Variants in DPPA2 observed in about 807,000 individuals in gnomAD.
DPPA2 encodes the protein developmental pluripotency-associated protein 2.
In DPPA2, 26 loss-of-function variants were observed where a neutral mutation model predicts 36.2. The ratio of observed to expected loss-of-function variants is 0.72; its 90% confidence interval spans 0.53 to 1.00. The LOEUF is 1.00. Ranked by LOEUF, DPPA2 falls within the 50% of genes least tolerant of loss-of-function variation. DPPA2 has a pLI of 0.00. For missense variants in DPPA2, 361 were observed against 365.1 expected, an observed-to-expected ratio of 0.99 and a Z score of 0.09; for synonymous variants, 113 against 123.2, an observed-to-expected ratio of 0.92 and a Z score of 0.55.
chr3:109,305,939 T>C (rs899251622), intron 6 of DPPA2, among the ~76,000 whole-genome samples: 1 of 152,098 alleles, frequency 6.6e-6, no homozygotes, highest in African/African-American at 2.4e-5. Flanking sequence ...CTGCCTCAGC[T>C]ACAGGAAACA....
intron 5 of DPPA2, among the ~76,000 whole-genome samples, chr3:109,308,542 A>G (rs1707625147): frequency 6.6e-6 from 1 of 152,044 alleles, no homozygotes; most frequent in Non-Finnish European, 1.5e-5. Context: ...TTGCATTTTT[A>G]GTAAAGACGG....
In DPPA2 at chr3:109,309,023, C is replaced by T; in HGVS notation, c.396+3G>A. 1 of 1,614,216 alleles carries T rather than the reference C, an allele frequency of 6.2e-7. No individual in the cohort carries two copies. The highest frequency in any genetic ancestry group is 8.5e-7 in the Non-Finnish European group (1 of 1,180,044). ...TCACACCATCAACACACTCATTACT[C>T]ACTTGCCGTTGTTCAGGGTAAGCAT... On this transcript the variant is annotated splice_donor_region_variant and intron_variant, in intron 5 of 8. Transcript: ENST00000478945.
intron 3 of DPPA2, among the ~76,000 whole-genome samples, chr3:109,312,318 G>A (rs7651465): frequency 0.49 from 74,801 of 152,036 alleles, 18,743 homozygotes; most frequent in East Asian, 0.71. Context: ...TGGGTGACAC[G>A]GTGAGACTCC....
intron 6 of DPPA2, among the ~76,000 whole-genome samples, chr3:109,305,622 A>C (rs2107311310): frequency 6.6e-6 from 1 of 152,130 alleles, no homozygotes; most frequent in Middle Eastern, 3.4e-3. Flanking sequence ...TAAAAATACA[A>C]AATTAGCTGG....
chr3:109,316,337 T>A lies in DPPA2; in HGVS notation c.-67A>T, dbSNP rs1320045195. 1 of 153,264 alleles carries A rather than the reference T, an allele frequency of 6.5e-6. No homozygotes were observed. The highest frequency in any genetic ancestry group is 1.5e-5 in the Non-Finnish European group (1 of 68,940). 9.5% of individuals were successfully genotyped at this position (153,264 alleles called of 1,614,324 possible). A position where few individuals can be genotyped will look rare whatever the true frequency, so the allele number is the denominator to read the frequency against. On this transcript the variant is annotated 5_prime_UTR_variant, in exon 1 of 9. Transcript: ENST00000478945. ...AGAGGATGTGGGTAGGGGGCCTCAC[T>A]GTGTTGCCCAGGCTGGTCTTGAATT...
chr3:109,307,390 T>C (rs2107313667), intron 6 of DPPA2, among the ~76,000 whole-genome samples: 1 of 151,928 alleles, frequency 6.6e-6, no homozygotes, highest in South Asian at 2.1e-4. Context: ...TGGTCTGAGG[T>C]CAGGGGTTCG....
chr3:109,297,239 A>G (rs1707371174), intron 8 of DPPA2, among the ~76,000 whole-genome samples: 1 of 152,162 alleles, frequency 6.6e-6, no homozygotes, highest in Admixed American at 6.6e-5. Flanking sequence ...AAAATGTGAT[A>G]CTGGCTGGGC....
intron 8 of DPPA2, among the ~76,000 whole-genome samples, chr3:109,297,286 G>A (rs141014920): frequency 3.3e-5 from 5 of 152,160 alleles, no homozygotes; most frequent in African/African-American, 7.2e-5. Flanking sequence ...CACTTTCAGA[G>A]GCCAAGGTGG....
Position 109,298,021 on chromosome 3 carries a change from G to C in DPPA2, c.*22+2350C>G, listed in dbSNP as rs912850210. Among the ~76,000 whole-genome samples, 7 of 152,008 alleles carry C rather than the reference G, an allele frequency of 4.6e-5. No individual in the cohort carries two copies. The East Asian group carries it at 7.8e-4, about 17-fold the overall frequency. ...AGTGTCTCAGAAGGCTGGGCCAGGAGAATCCCTTGAGCCTAGGAGTTCAAG... is the reference window on the plus strand; with the variant it reads ...AGTGTCTCAGAAGGCTGGGCCAGGACAATCCCTTGAGCCTAGGAGTTCAAG... On this transcript the variant is annotated intron_variant, in intron 8 of 8. Transcript: ENST00000478945.
At chr3:109,295,662 A>G (rs556997220) in intron 8 of DPPA2, among the ~76,000 whole-genome samples, 1 of 151,804 alleles carries the variant, frequency 6.6e-6, no homozygotes, top group African/African-American at 2.4e-5. Context: ...CAAATAGCAT[A>G]TATATATACA....
At chr3:109,299,707 G>A (rs1377815124) in intron 8 of DPPA2, among the ~76,000 whole-genome samples, 3 of 140,760 alleles carry the variant, frequency 2.1e-5, no homozygotes, top group South Asian at 2.4e-4. Flanking sequence ...AAAAGAAAAA[G>A]AAAAAGAAAA....
rs72935073 is a variant in DPPA2 at position 109,304,710 on chromosome 3, T to G, written c.659-40A>C. ...CAAATATAGACAGCAAAAATCAAGATAGCACCCCAACACAACCTCTCAGCA... is the reference window on the plus strand; with the variant it reads ...CAAATATAGACAGCAAAAATCAAGAGAGCACCCCAACACAACCTCTCAGCA... On this transcript the variant is annotated intron_variant, in intron 6 of 8. Coordinates refer to ENST00000478945, the MANE Select transcript of DPPA2 (RefSeq NM_138815.4). 3.1e-3 allele frequency: 4,699 copies of G among 1,538,498 alleles called. 124 individuals carry two copies. The African/African-American group carries it at 0.056, about 18-fold the overall frequency.
intron 3 of DPPA2, among the ~76,000 whole-genome samples, chr3:109,310,393 G>GT (rs144573838): frequency 0.052 from 5,590 of 108,528 alleles, 226 homozygotes; most frequent in African/African-American, 0.12. Context: ...GGGCAATACA[G>GT]TGAGACTCTG....
At chr3:109,302,476 G>A (rs967931461) in intron 7 of DPPA2, among the ~76,000 whole-genome samples, 7 of 151,596 alleles carry the variant, frequency 4.6e-5, no homozygotes, top group South Asian at 2.1e-4. Flanking sequence ...TTTTTGAGAC[G>A]GAGTTTCGCT....
intron 8 of DPPA2, among the ~76,000 whole-genome samples, chr3:109,299,442 G>A (rs1348136736): frequency 1.3e-5 from 2 of 151,906 alleles, no homozygotes; most frequent in Non-Finnish European, 2.9e-5. Context: ...CCCGGGAGGT[G>A]GGAGGCGGAG....
intron 3 of DPPA2, among the ~76,000 whole-genome samples, chr3:109,311,355 A>G (rs1427909374): frequency 6.6e-6 from 1 of 151,928 alleles, no homozygotes; most frequent in Non-Finnish European, 1.5e-5. Flanking sequence ...ACAGCTCCCC[A>G]TTTCACCTCA....
intron 8 of DPPA2, among the ~76,000 whole-genome samples, chr3:109,296,479 A>G (rs1707353094): frequency 6.6e-6 from 1 of 152,206 alleles, no homozygotes; most frequent in South Asian, 2.1e-4. Context: ...GTTTGAGACC[A>G]GCCTGACCAA....
intron 1 of DPPA2, among the ~76,000 whole-genome samples, chr3:109,314,885 G>A (rs1707763898): frequency 6.6e-6 from 1 of 152,024 alleles, no homozygotes; most frequent in Admixed American, 6.6e-5. Context: ...GAAACATGGC[G>A]AGACCCCCAT....
chr3:109,301,525 G>GCCCA (rs1707456794), intron 7 of DPPA2, among the ~76,000 whole-genome samples: 2 of 151,912 alleles, frequency 1.3e-5, no homozygotes, highest in Non-Finnish European at 2.9e-5. Flanking sequence ...GGTGGTGCAT[G>GCCCA]CCTGTAATCC....
Sources: allele counts gnomAD v4.1 joint callset (sites outside exome capture counted in the v4.1 genomes callset), GRCh38; gene constraint gnomAD v4.1.1; transcripts MANE v1.5; gene names NCBI Gene and HGNC (gene_info 2026-07-23, HGNC 2026-07-21).